Variants in SLC25A40 observed in about 807,000 individuals in gnomAD.
SLC25A40 encodes solute carrier family 25 member 40.
In SLC25A40, 41 loss-of-function variants were observed where a neutral mutation model predicts 46.5. The observed-to-expected ratio is 0.88, with a 90% CI of 0.69 to 1.14. The LOEUF (loss-of-function observed/expected upper bound fraction) is 1.14, where lower values mean the gene tolerates loss of function less well. Ranked by LOEUF, SLC25A40 falls within the 50% of genes most tolerant of loss-of-function variation. The probability of loss-of-function intolerance (pLI) is 0.00; values close to 1 mark genes in which losing one functional copy is unlikely to be tolerated. For missense variants in SLC25A40, 386 were observed against 393.6 expected (o/e 0.98, Z 0.16); for synonymous variants, 126 against 127.5 (o/e 0.99, Z 0.08).
At chr7:87,854,927 C>A (rs1295210213) in intron 4 of SLC25A40, among the ~76,000 whole-genome samples, 4 of 151,690 alleles carry the variant, frequency 2.6e-5, no homozygotes, top group Non-Finnish European at 4.4e-5. Flanking sequence ...CTTTGGGAGG[C>A]CAAGGCCAGG....
intron 1 of SLC25A40, among the ~76,000 whole-genome samples, chr7:87,869,044 T>C (rs1838851226): frequency 6.6e-6 from 1 of 152,240 alleles, no homozygotes; most frequent in African/African-American, 2.4e-5. Flanking sequence ...AAGCCAAATA[T>C]ATATTTCACA....
At chr7:87,868,366 C>A (rs941641872) in intron 1 of SLC25A40, among the ~76,000 whole-genome samples, 4 of 152,108 alleles carry the variant, frequency 2.6e-5, no homozygotes, top group Non-Finnish European at 4.4e-5. Flanking sequence ...GAGGAGTTCC[C>A]CCTACCTATA....
chr7:87,854,858 T>A (rs1838581848), intron 4 of SLC25A40, among the ~76,000 whole-genome samples: 1 of 149,692 alleles, frequency 6.7e-6, no homozygotes, highest in South Asian at 2.1e-4. Context: ...GGATTTATGT[T>A]TTCAGAACTG....
chr7:87,839,426 GTT>G (rs68001577), intron 10 of SLC25A40, among the ~76,000 whole-genome samples: 2 of 144,398 alleles, frequency 1.4e-5, no homozygotes, highest in African/African-American at 5.0e-5. Flanking sequence ...CTTGAGTAGT[GTT>G]TTTTTTTTTC....
chr7:87,854,464 T>G (rs910528747), intron 4 of SLC25A40, among the ~76,000 whole-genome samples, 154 bp from the exon 5 acceptor site: 46 of 152,140 alleles, frequency 3.0e-4, no homozygotes, highest in African/African-American at 1.1e-3. Flanking sequence ...CTTTTTAGGA[T>G]GAAACAGACA....
At chr7:87,840,981 T>C (rs905497953) in intron 10 of SLC25A40, among the ~76,000 whole-genome samples, 1 of 151,758 alleles carries the variant, frequency 6.6e-6, no homozygotes, top group Admixed American at 6.6e-5. Context: ...ATTGGTTTGC[T>C]ACACTTTCTA....
rs919187085 is a variant in SLC25A40 at position 87,843,802 on chromosome 7, A to G, written c.693T>C (p.Tyr231=). ...KKWLCEKSGL[Y]EPTFMINFTS... ...TAAAGTTGATCATAAATGTTGGCTC[A>G]TATAAACCAGATTTCTCACATAACC... The change falls in exon 9 of 12, where the codon TAT becomes TAC. Residue 231 remains tyrosine (Y), a synonymous_variant. Coordinates refer to ENST00000341119, the MANE Select transcript of SLC25A40 (RefSeq NM_018843.4). The G allele has an allele frequency of 6.2e-7, 1 of 1,611,816 alleles. No homozygotes were observed. The highest frequency in any genetic ancestry group is 8.5e-7 in the Non-Finnish European group (1 of 1,178,612).
intron 1 of SLC25A40, among the ~76,000 whole-genome samples, chr7:87,871,948 T>A (rs1237870935): frequency 1.3e-5 from 2 of 152,244 alleles, no homozygotes; most frequent in Non-Finnish European, 2.9e-5. Flanking sequence ...GTTGAATTTA[T>A]CAGCATAAGG....
At chr7:87,842,796 T>A (rs1838355174) in intron 9 of SLC25A40, among the ~76,000 whole-genome samples, 1 of 151,128 alleles carries the variant, frequency 6.6e-6, no homozygotes, top group Admixed American at 6.6e-5. Context: ...TAAAAAATCA[T>A]TTAAAAAAAT....
At chr7:87,836,841 TATAA>T (rs1838264095) in intron 10 of SLC25A40, 31 bp from the exon 11 acceptor site, 1 of 1,289,548 alleles carries the variant, frequency 7.8e-7, no homozygotes, top group African/African-American at 1.6e-5. Flanking sequence ...ATAATGCTAT[TATAA>T]ATAACAATTT....
chr7:87,843,940 A>G (rs892735518), intron 8 of SLC25A40, 77 bp from the exon 9 acceptor site: 3 of 1,408,816 alleles, frequency 2.1e-6, no homozygotes, highest in Non-Finnish European at 2.8e-6. Flanking sequence ...ATGAGGTTAT[A>G]TATTCAGGGG....
chr7:87,847,356 A>C (rs1483022995), intron 7 of SLC25A40, among the ~76,000 whole-genome samples: 2 of 152,086 alleles, frequency 1.3e-5, no homozygotes, highest in African/African-American at 4.8e-5. Flanking sequence ...TCTGGTTTCA[A>C]CTCTCTCAAG....
intron 3 of SLC25A40, among the ~76,000 whole-genome samples, chr7:87,858,066 C>G (rs893403816): frequency 6.6e-6 from 1 of 152,190 alleles, no homozygotes; most frequent in African/African-American, 2.4e-5. Flanking sequence ...ACGCCCTGGT[C>G]TCCTGCAGTA....
chr7:87,855,696 A>G (rs1838602053), intron 4 of SLC25A40, among the ~76,000 whole-genome samples: 1 of 152,196 alleles, frequency 6.6e-6, no homozygotes, highest in Non-Finnish European at 1.5e-5. Context: ...CACCACTCTG[A>G]ATTCAACACA....
At chr7:87,849,771 A>G (rs1838479071) in intron 6 of SLC25A40, 110 bp downstream of exon 6, 1 of 762,304 alleles carries the variant, frequency 1.3e-6, no homozygotes, top group African/African-American at 1.8e-5. Flanking sequence ...AATACCTCAG[A>G]AAATGAAAGC....
intron 5 of SLC25A40, among the ~76,000 whole-genome samples, chr7:87,852,892 T>A (rs1266676034): frequency 6.6e-6 from 1 of 152,180 alleles, no homozygotes; most frequent in South Asian, 2.1e-4. Flanking sequence ...AGGACTTAAA[T>A]AAAATTTTTA....
At chr7:87,846,362 A>G (rs1838420577) in intron 8 of SLC25A40, among the ~76,000 whole-genome samples, 1 of 152,150 alleles carries the variant, frequency 6.6e-6, no homozygotes, top group African/African-American at 2.4e-5. Context: ...GGGTCTTAAA[A>G]ACTTCTATGA....
At chr7:87,858,582 C>G in intron 3 of SLC25A40, 49 bp downstream of exon 3, 1 of 1,000,950 alleles carries the variant, frequency 1.0e-6, no homozygotes, top group Admixed American at 1.7e-5. Context: ...CAAATGGAAG[C>G]ACTGACTCAT....
At chr7:87,837,664 A>G (rs1256740698) in intron 10 of SLC25A40, among the ~76,000 whole-genome samples, 1 of 151,226 alleles carries the variant, frequency 6.6e-6, no homozygotes, top group East Asian at 1.9e-4. Flanking sequence ...TCGTTTACAC[A>G]CTATTCTAAA....
Sources: gnomAD v4.1 joint callset for allele counts (sites outside exome capture counted in the v4.1 genomes callset) on GRCh38, gnomAD v4.1.1 for gene constraint, MANE v1.5 for transcripts, NCBI Gene and HGNC (gene_info 2026-07-23, HGNC 2026-07-21) for gene names.